Variants in CPAMD8 observed in about 807,000 individuals in gnomAD.
The protein encoded by CPAMD8 is C3 and PZP-like alpha-2-macroglobulin domain-containing protein 8.
A neutral mutation model predicts 224.7 loss-of-function variants in CPAMD8; 146 were observed. That is an observed-to-expected ratio of 0.65 (90% CI 0.57 to 0.75). The LOEUF (loss-of-function observed/expected upper bound fraction) is 0.75, where lower values mean the gene tolerates loss of function less well. Among genes scored for constraint, CPAMD8 ranks in the 30% least tolerant of loss-of-function variants. The pLI, the probability that CPAMD8 is intolerant of heterozygous loss-of-function variation, is 0.00. For synonymous variants in CPAMD8, 966 were observed against 1,044.6 expected (o/e 0.92, Z 1.45); for missense variants, 2,301 against 2,537.5 (o/e 0.91, Z 2.00).
At chr19:16,967,945 G>GTGTATATATGTGCATA (rs2054917414) in intron 18 of CPAMD8, among the ~76,000 whole-genome samples, 3 of 5,470 alleles carry the variant, frequency 5.5e-4, no homozygotes, top group Admixed American at 2.0e-3. Context: ...ATATATACAT[G>GTGTATATATGTGCATA]TTGCTCTCAG....
At chr19:17,013,026 C>T (rs930305155) in intron 3 of CPAMD8, among the ~76,000 whole-genome samples, 1 of 151,232 alleles carries the variant, frequency 6.6e-6, no homozygotes, top group Non-Finnish European at 1.5e-5. Flanking sequence ...CTACTAAGTA[C>T]AAAAATTAGC....
chr19:16,955,327 G>C (rs1437688295), intron 19 of CPAMD8, among the ~76,000 whole-genome samples: 1 of 151,716 alleles, frequency 6.6e-6, no homozygotes, highest in African/African-American at 2.4e-5. Flanking sequence ...AGGAAATTCT[G>C]ACATGGATTC....
chr19:16,977,614 G>GC lies in CPAMD8; in HGVS notation c.1586-75dup, dbSNP rs562184640. The GC allele has an allele frequency of 4.2e-3, 4,852 of 1,149,810 alleles. 18 individuals carry two copies. The highest frequency in any genetic ancestry group is 5.3e-3 in the Non-Finnish European group (4,358 of 824,426). The allele number at this position is 1,149,810 out of a possible 1,614,324, so 71.2% of individuals were successfully genotyped here. A position where few individuals can be genotyped will look rare whatever the true frequency, so the allele number is the denominator to read the frequency against. ...ATGCAACCTCAGCCATTCAGGCTCT[G>GC]CCCCAATTTGCCCTGCGCTATGCTC... On this transcript the variant is annotated intron_variant, in intron 14 of 41. Transcript: ENST00000443236.
chr19:16,925,413 A>T (rs1309969845), intron 25 of CPAMD8, 41 bp from the exon 26 acceptor site: 8 of 1,494,594 alleles, frequency 5.4e-6, no homozygotes, highest in Non-Finnish European at 7.5e-6. Flanking sequence ...GGGCTGTCCC[A>T]GTTCAGTAGA....
intron 24 of CPAMD8, 51 bp from the exon 25 acceptor site, chr19:16,928,285 G>T: frequency 6.8e-7 from 1 of 1,475,502 alleles, no homozygotes; most frequent in Non-Finnish European, 9.4e-7. Flanking sequence ...CAGGCAGTAG[G>T]CACTCAGGTG....
intron 32 of CPAMD8, 43 bp downstream of exon 32, chr19:16,904,183 C>CCCCCCCCCCCCCCA: frequency 8.8e-7 from 1 of 1,135,838 alleles, no homozygotes; most frequent in Admixed American, 2.0e-5. Context: ...GGGACCCCAC[C>CCCCCCCCCCCCCCA]CACCCAGCCC....
chr19:16,900,832 C>T (rs1315850467), intron 36 of CPAMD8, among the ~76,000 whole-genome samples: 1 of 151,746 alleles, frequency 6.6e-6, no homozygotes. Flanking sequence ...GGCAACATGG[C>T]GAAACCCTGT....
Position 17,012,299 on chromosome 19 carries a change from G to A in CPAMD8, c.268-542C>T, listed in dbSNP as rs1008573783. 4.0e-5 allele frequency among the ~76,000 whole-genome samples: 6 copies of A among 149,852 alleles called. No homozygotes were observed. The East Asian group carries it at 9.9e-4, about 25-fold the overall frequency. ...CTCCCAAAGTACTGGGATTATAGGC[G>A]TGAGCCATTGCACCCGGCCATATCT... On this transcript the variant is annotated intron_variant, in intron 3 of 41. Transcript: ENST00000443236.
In CPAMD8 at chr19:16,954,752, A is replaced by AG. The variant is rs944353458; in HGVS notation, c.2277-2553dup. ...GTAATCCCAGCACTTTGGGAGGCCG[A>AG]GGGGGGTGGATCACGAGGTCAGGAA... On this transcript the variant is annotated intron_variant, in intron 19 of 41. Transcript: ENST00000443236. Among the ~76,000 whole-genome samples the AG allele has an allele frequency of 2.6e-5, 4 of 152,182 alleles. No individual in the cohort carries two copies. The East Asian group carries it at 7.7e-4, about 29-fold the overall frequency.
intron 3 of CPAMD8, among the ~76,000 whole-genome samples, chr19:17,015,173 C>A (rs1466057431): frequency 6.6e-6 from 1 of 152,168 alleles, no homozygotes; most frequent in East Asian, 1.9e-4. Context: ...ACCCAGAAGG[C>A]AGAGGTTGCA....
At position 16,978,731 on chromosome 19, in the gene CPAMD8, CTCTG is replaced by C. The variant is rs569820270; in HGVS notation, c.1586-1195_1586-1192del. Among the ~76,000 whole-genome samples, 357 of 152,240 alleles carry C rather than the reference CTCTG, an allele frequency of 2.3e-3. 1 individual carries two copies. The highest frequency in any genetic ancestry group is 4.4e-3 in the African/African-American group (184 of 41,548). ...AGCCTGCCTAAGAAGGAGGGATCTT[CTCTG>C]TCTGTCTATCTATCCATCCATCCAT... On this transcript the variant is annotated intron_variant, in intron 14 of 41. Coordinates refer to ENST00000443236, the MANE Select transcript of CPAMD8 (RefSeq NM_015692.5).
chr19:16,986,953 C>T (rs1292560588), intron 13 of CPAMD8, among the ~76,000 whole-genome samples: 1 of 151,544 alleles, frequency 6.6e-6, no homozygotes, highest in Non-Finnish European at 1.5e-5. Context: ...GCCAGGAGTT[C>T]GAGACCACCC....
At chr19:17,022,228 G>A (rs766057642) in intron 1 of CPAMD8, 47 bp from the exon 2 acceptor site, 1 of 1,581,936 alleles carries the variant, frequency 6.3e-7, no homozygotes, top group Non-Finnish European at 8.6e-7. Flanking sequence ...CAGACCCCTG[G>A]TCTCGCTGCC....
At chr19:16,988,945 C>T (rs1486254118) in intron 13 of CPAMD8, among the ~76,000 whole-genome samples, 1 of 152,112 alleles carries the variant, frequency 6.6e-6, no homozygotes, top group Non-Finnish European at 1.5e-5. Flanking sequence ...AGTGTGAACC[C>T]TATTGTGAAC....
intron 10 of CPAMD8, among the ~76,000 whole-genome samples, chr19:16,998,654 T>C (rs1467276113): frequency 6.6e-6 from 1 of 152,038 alleles, no homozygotes; most frequent in Non-Finnish European, 1.5e-5. Flanking sequence ...GGAAGGTGGG[T>C]GTCTGTTGTA....
chr19:17,002,905 C>CT (rs376741138), intron 8 of CPAMD8, among the ~76,000 whole-genome samples: 5,221 of 133,256 alleles, frequency 0.039, 181 homozygotes, highest in South Asian at 0.079. Context: ...CTTTTCTTTT[C>CT]TTTTCTTTTT....
At chr19:16,952,409 G>A (rs1224260369) in intron 19 of CPAMD8, among the ~76,000 whole-genome samples, 1 of 152,214 alleles carries the variant, frequency 6.6e-6, no homozygotes, top group Non-Finnish European at 1.5e-5. Flanking sequence ...TGGGCGCAGT[G>A]GCTCATGCCT....
Position 16,905,595 on chromosome 19 carries a change from C to T in CPAMD8, c.4028-1043G>A, listed in dbSNP as rs371993961. On this transcript the variant is annotated intron_variant, in intron 30 of 41. Coordinates refer to ENST00000443236, the MANE Select transcript of CPAMD8 (RefSeq NM_015692.5). ...AAAAAAAAAAAAAAAAAGAAAAAGG[C>T]TCCAAGGATTCTGAGCTCGCATGAG... 2.6e-3 allele frequency among the ~76,000 whole-genome samples: 386 copies of T among 145,688 alleles called. 2 individuals carry two copies. Among genetic ancestry groups the T allele is most frequent in the Non-Finnish European group, 3.6e-3 (243 of 66,632 alleles).
rs755330822 is a variant in CPAMD8, at chr19:16,993,542, C to G, written c.1140G>C (p.Thr380=). The G allele has an allele frequency of 5.6e-6, 9 of 1,614,182 alleles. No individual in the cohort carries two copies. The highest frequency in any genetic ancestry group is 7.6e-6 in the Non-Finnish European group (9 of 1,180,032). Residue 380 remains threonine (T), a synonymous_variant, in exon 12 of 42, where the codon ACG becomes ACC. Transcript: ENST00000443236. ...YPDGSPAEGV[T]VQIKAELTPK... ...GTGTCAGCTCTGCCTTAATCTGGAC[C>G]GTCACCCCCTCAGCTGGGCTGCCAT...
Sources: allele counts gnomAD v4.1 joint callset (sites outside exome capture counted in the v4.1 genomes callset), GRCh38; gene constraint gnomAD v4.1.1; transcripts MANE v1.5; gene names NCBI Gene and HGNC (gene_info 2026-07-23, HGNC 2026-07-21).